Variants in PASD1 observed in about 807,000 individuals in gnomAD.
PASD1 encodes PAS domain containing repressor 1.
A neutral mutation model predicts 58.8 loss-of-function variants in PASD1; 13 were observed. The observed-to-expected ratio is 0.22, with a 90% CI of 0.14 to 0.35. PASD1 has a LOEUF of 0.35. Among genes scored for constraint, PASD1 ranks in the 10% least tolerant of loss-of-function variants. PASD1 has a pLI of 1.00. For missense variants in PASD1, 734 were observed against 568.3 expected, an observed-to-expected ratio of 1.29 and a Z score of -2.96; for synonymous variants, 236 against 216.7, an observed-to-expected ratio of 1.09 and a Z score of -0.78.
chrX:151,632,069 TA>T (rs968758280), intron 8 of PASD1, among the ~76,000 whole-genome samples: 9 of 110,090 alleles, frequency 8.2e-5, no homozygotes, highest in Non-Finnish European at 1.5e-4. Context: ...AGGAGAAAGA[TA>T]ATAAACAAGT....
intron 5 of PASD1, 130 bp downstream of exon 5, chrX:151,621,159 T>C (rs1057507842): frequency 7.3e-5 from 31 of 422,585 alleles, no homozygotes; most frequent in Non-Finnish European, 1.2e-4. Context: ...TACTTTTATA[T>C]AATATTACAA....
chrX:151,593,961 C>T (rs929416737), intron 1 of PASD1, among the ~76,000 whole-genome samples: 2 of 111,426 alleles, frequency 1.8e-5, no homozygotes, highest in African/African-American at 3.3e-5. Flanking sequence ...GTGTTTAGCC[C>T]ATTGATAATT....
intron 8 of PASD1, among the ~76,000 whole-genome samples, chrX:151,633,616 CCATCTT>C (rs1414042116): frequency 2.7e-5 from 3 of 111,621 alleles, no homozygotes; most frequent in Non-Finnish European, 5.6e-5. Flanking sequence ...AACCCATACT[CCATCTT>C]CAGCTACATG....
intron 14 of PASD1, 127 bp from the exon 15 acceptor site, chrX:151,673,801 C>A: frequency 1.2e-6 from 1 of 807,178 alleles, no homozygotes; most frequent in Non-Finnish European, 1.8e-6. Flanking sequence ...AGAATACAAA[C>A]AAGTGAATCC....
At chrX:151,609,325 G>A (rs775937046) in intron 3 of PASD1, among the ~76,000 whole-genome samples, 10 of 111,122 alleles carry the variant, frequency 9.0e-5, no homozygotes, top group African/African-American at 2.6e-4. Context: ...TATATAACAC[G>A]AATTTACCGT....
At chrX:151,671,805 T>C (rs2014475112) in intron 13 of PASD1, 26 bp downstream of exon 13, 1 of 1,172,934 alleles carries the variant, frequency 8.5e-7, no homozygotes, top group Non-Finnish European at 1.2e-6. Context: ...TTTAACTGTG[T>C]ATCTGAAAGG....
intron 1 of PASD1, among the ~76,000 whole-genome samples, chrX:151,584,326 A>G (rs2013137586): frequency 8.9e-6 from 1 of 112,260 alleles, no homozygotes; most frequent in South Asian, 3.7e-4. Flanking sequence ...AATGAAAAAC[A>G]TTAAGTTCTA....
intron 4 of PASD1, among the ~76,000 whole-genome samples, chrX:151,614,579 A>G (rs1016882881): frequency 2.7e-5 from 3 of 112,269 alleles, no homozygotes; most frequent in Non-Finnish European, 5.6e-5. Flanking sequence ...CCTATTCACT[A>G]ATGGTAGTAG....
chrX:151,639,381 G>C (rs1033894929), intron 8 of PASD1, among the ~76,000 whole-genome samples: 1 of 112,109 alleles, frequency 8.9e-6, no homozygotes, highest in African/African-American at 3.2e-5. Flanking sequence ...GACTGTGTTT[G>C]CAGTGCCCAG....
At chrX:151,576,132 T>A (rs1382114380) in intron 1 of PASD1, among the ~76,000 whole-genome samples, 1 of 109,742 alleles carries the variant, frequency 9.1e-6, no homozygotes. Context: ...CTTCTCAAAG[T>A]GCTAGGATTA....
At position 151,664,360 on chromosome X, in the gene PASD1, G is replaced by C. The variant is rs766313924; in HGVS notation, c.1071+12G>C. The C allele has an allele frequency of 5.0e-6, 6 of 1,209,215 alleles. No homozygotes were observed. The African/African-American group carries it at 1.0e-4, about 21-fold the overall frequency. On this transcript the variant is annotated intron_variant, in intron 11 of 15. Transcript: ENST00000370357. The stretch of plus-strand genomic sequence containing the variant: ...GCGCAAGTGCTCAGGTACTCTGAAA[G>C]TCTCGCTTCACTCGCTTCACGTTTG...
At chrX:151,671,279 C>T in intron 12 of PASD1, 83 bp downstream of exon 12, 6 of 1,072,451 alleles carry the variant, frequency 5.6e-6, no homozygotes, top group Non-Finnish European at 7.6e-6. Flanking sequence ...CCTTGGCAAG[C>T]CTTAAGGAGT....
rs1276738298 is a variant in PASD1 at position 151,597,810 on chromosome X, A to G, written c.-27-3717A>G. On this transcript the variant is annotated intron_variant, in intron 1 of 15. Transcript: ENST00000370357. ...CAGTGGTGCGATCTCAGCTCACTGC[A>G]ATCTCTGCCTCCCAGGTTCAAGCAA... is the stretch of plus-strand genomic sequence containing the variant. Among the ~76,000 whole-genome samples the G allele has an allele frequency of 2.7e-5, 3 of 111,841 alleles. No homozygotes were observed. The South Asian group carries it at 1.1e-3, about 42-fold the overall frequency.
intron 8 of PASD1, among the ~76,000 whole-genome samples, chrX:151,633,675 A>G (rs1438431943): frequency 8.9e-6 from 1 of 111,925 alleles, no homozygotes; most frequent in Non-Finnish European, 1.9e-5. Context: ...TCATTAAACT[A>G]TTAGATTTGC....
intron 8 of PASD1, among the ~76,000 whole-genome samples, chrX:151,648,116 A>G (rs181253804): frequency 1.5e-4 from 17 of 111,017 alleles, no homozygotes; most frequent in African/African-American, 5.2e-4. Context: ...CCCATACTTA[A>G]TTGGTGAAAA....
At chrX:151,626,592 C>G (rs898882085) in intron 8 of PASD1, among the ~76,000 whole-genome samples, 1 of 111,444 alleles carries the variant, frequency 9.0e-6, no homozygotes, top group Admixed American at 9.6e-5. Context: ...ATTACATTTT[C>G]CTTCTACGTT....
At chrX:151,611,808 T>A in intron 4 of PASD1, 55 bp downstream of exon 4, 2 of 900,382 alleles carry the variant, frequency 2.2e-6, no homozygotes, top group Admixed American at 2.9e-5. Context: ...TGTTTAGGGG[T>A]TCATTATTTA....
At chrX:151,606,589 T>C (rs1349503490) in intron 3 of PASD1, among the ~76,000 whole-genome samples, 1 of 110,891 alleles carries the variant, frequency 9.0e-6, no homozygotes, top group Non-Finnish European at 1.9e-5. Context: ...TGTTGATCCC[T>C]TTTACTGCAG....
rs781369097 is a variant in PASD1, at chrX:151,600,110, G to A, written c.-27-1417G>A. On this transcript the variant is annotated intron_variant, in intron 1 of 15. Transcript: ENST00000370357. ...AAACCCCGTCTCCACCAAAAAATAC[G>A]AAAACCAGTCAGGCGTGGCGGCGTG... Among the ~76,000 whole-genome samples, 3 of 112,036 alleles carry A rather than the reference G, an allele frequency of 2.7e-5. No homozygotes were observed. In the East Asian group the frequency reaches 8.5e-4, roughly 32 times the overall value.
Sources: gnomAD v4.1 joint callset for allele counts (sites outside exome capture counted in the v4.1 genomes callset) on GRCh38, gnomAD v4.1.1 for gene constraint, MANE v1.5 for transcripts, NCBI Gene and HGNC (gene_info 2026-07-23, HGNC 2026-07-21) for gene names.